GALNT18: variants seen among roughly 807,000 people sequenced by gnomAD.
GALNT18 encodes the protein polypeptide N-acetylgalactosaminyltransferase 18.
A neutral mutation model predicts 69.5 loss-of-function variants in GALNT18; 44 were observed. The observed-to-expected ratio is 0.63, with a 90% CI of 0.50 to 0.81. The LOEUF is 0.81. Among genes scored for constraint, GALNT18 ranks in the 40% least tolerant of loss-of-function variants. The pLI, the probability that GALNT18 is intolerant of heterozygous loss-of-function variation, is 0.00. For missense variants in GALNT18, 715 were observed against 810.0 expected (o/e 0.88, Z 1.42); for synonymous variants, 364 against 318.2 (o/e 1.14, Z -1.53).
intron 1 of GALNT18, among the ~76,000 whole-genome samples, chr11:11,577,188 GC>G (rs1314231704): frequency 6.6e-6 from 1 of 152,158 alleles, no homozygotes; most frequent in Non-Finnish European, 1.5e-5. Flanking sequence ...CAAGTACCTG[GC>G]CCATTCCAGG....
At position 11,549,131 on chromosome 11, in the gene GALNT18, T is replaced by A. The variant is rs566476211; in HGVS notation, c.235+72228A>T. On this transcript the variant is annotated intron_variant, in intron 1 of 10. Coordinates refer to ENST00000227756, the MANE Select transcript of GALNT18 (RefSeq NM_198516.3). ...AGGGATATATGCTTCTCCATCCTCC[T>A]TCCTGCTGGCTAGAATGCACACATA... 9.8e-5 allele frequency among the ~76,000 whole-genome samples: 15 copies of A among 152,304 alleles called. No homozygotes were observed. In the South Asian group the frequency reaches 2.9e-3, roughly 30 times the overall value.
chr11:11,512,252 G>A (rs1216910282), intron 1 of GALNT18, among the ~76,000 whole-genome samples: 1 of 152,200 alleles, frequency 6.6e-6, no homozygotes, highest in African/African-American at 2.4e-5. Context: ...CAAGTGGCAT[G>A]TGACCTCACA....
chr11:11,480,638 C>T lies in GALNT18; in HGVS notation c.236-31702G>A, dbSNP rs2133868440. Among the ~76,000 whole-genome samples the T allele has an allele frequency of 6.6e-6, 1 of 152,304 alleles. No homozygotes were observed. The highest frequency in any genetic ancestry group is 3.4e-3 in the Middle Eastern group (1 of 294). On this transcript the variant is annotated intron_variant, in intron 1 of 10. Coordinates refer to ENST00000227756, the MANE Select transcript of GALNT18 (RefSeq NM_198516.3). The surrounding 1 kb of genome is among the most constrained non-coding windows in gnomAD (Gnocchi z 4.6). ...GATTCTGTAATGCAGTGGCACCTTC[C>T]TACTGGGGATCACTGAGAGCAGAGA...
intron 10 of GALNT18, among the ~76,000 whole-genome samples, chr11:11,271,614 C>CTTGCTCCCCATAGCCATCGGCTGGGTG (rs371477041): frequency 5.3e-5 from 8 of 152,280 alleles, no homozygotes; most frequent in African/African-American, 1.9e-4. Context: ...GGGGCTGGGT[C>CTTGCTCCCCATAGCCATCGGCTGGGTG]CTTTCTCTGA....
intron 9 of GALNT18, among the ~76,000 whole-genome samples, chr11:11,307,359 C>T (rs1355868621): frequency 1.3e-5 from 2 of 152,096 alleles, no homozygotes; most frequent in Non-Finnish European, 2.9e-5. Context: ...GATAATATTT[C>T]CAATTTAATG....
At chr11:11,294,117 A>T (rs1590016572) in intron 9 of GALNT18, among the ~76,000 whole-genome samples, 1 of 150,698 alleles carries the variant, frequency 6.6e-6, no homozygotes, top group Non-Finnish European at 1.5e-5. Context: ...TTATGACAGC[A>T]AAAGGATACA....
intron 9 of GALNT18, among the ~76,000 whole-genome samples, chr11:11,319,856 G>A (rs897651769): frequency 6.6e-6 from 1 of 152,160 alleles, no homozygotes; most frequent in African/African-American, 2.4e-5. Flanking sequence ...CAAGGACATG[G>A]TCTAGAGTGT....
intron 1 of GALNT18, among the ~76,000 whole-genome samples, 173 bp from the exon 2 acceptor site, chr11:11,449,109 T>C (rs1855732392): frequency 6.6e-6 from 1 of 152,216 alleles, no homozygotes; most frequent in Admixed American, 6.5e-5. Context: ...CATCCATGAA[T>C]CCATCCATTC....
chr11:11,601,483 A>T lies in GALNT18; in HGVS notation c.235+19876T>A, dbSNP rs1007591118. Among the ~76,000 whole-genome samples the T allele has an allele frequency of 6.6e-6, 1 of 152,216 alleles. No homozygotes were observed. The highest frequency in any genetic ancestry group is 6.5e-5 in the Admixed American group (1 of 15,288). On this transcript the variant is annotated intron_variant, in intron 1 of 10. Coordinates refer to ENST00000227756, the MANE Select transcript of GALNT18 (RefSeq NM_198516.3). This position sits in a 1 kb window ranked among gnomAD's most constrained non-coding sequence, Gnocchi z 4.0. ...TGTCTCTATTGCTTATCTCCCTGTT[A>T]CATTTCTGGCTGGACTGCCCGATTG...
intron 1 of GALNT18, among the ~76,000 whole-genome samples, chr11:11,474,584 T>A (rs1856347215): frequency 6.6e-6 from 1 of 152,192 alleles, no homozygotes; most frequent in Admixed American, 6.5e-5. Flanking sequence ...GTGGCTTGGA[T>A]GATGCTAGTA....
chr11:11,297,694 G>C (rs1173725525), intron 9 of GALNT18, among the ~76,000 whole-genome samples: 1 of 152,154 alleles, frequency 6.6e-6, no homozygotes, highest in East Asian at 1.9e-4. Context: ...CTGTAACTCT[G>C]GTCTGAGGCT....
rs1001902742 is a variant in GALNT18, at chr11:11,392,386, G to T, written c.596-13122C>A. On this transcript the variant is annotated intron_variant, in intron 3 of 10. Coordinates refer to ENST00000227756, the MANE Select transcript of GALNT18 (RefSeq NM_198516.3). The stretch of plus-strand genomic sequence containing the variant: ...TGTAATCCCAGCACTCTGGGAGGCC[G>T]AGGCAGGCAGATCACCCGAGGTCGG... Among the ~76,000 whole-genome samples, 4 of 152,318 alleles carry T rather than the reference G, an allele frequency of 2.6e-5. No individual in the cohort carries two copies. In the East Asian group the frequency reaches 7.7e-4, roughly 29 times the overall value.
chr11:11,273,682 C>T (rs1245795399), intron 10 of GALNT18, among the ~76,000 whole-genome samples: 1 of 152,066 alleles, frequency 6.6e-6, no homozygotes, highest in African/African-American at 2.4e-5. Context: ...TCTAGCAATC[C>T]CATTGTTGGG....
intron 5 of GALNT18, among the ~76,000 whole-genome samples, chr11:11,375,728 A>G (rs1300268681): frequency 6.6e-6 from 1 of 152,212 alleles, no homozygotes; most frequent in African/African-American, 2.4e-5. Flanking sequence ...AAATGAGCCA[A>G]TGCGTGTAAA....
At position 11,292,886 on chromosome 11, in the gene GALNT18, A is replaced by T. The variant is rs962783927; in HGVS notation, c.1677+143T>A. On this transcript the variant is annotated intron_variant, in intron 10 of 10. Transcript: ENST00000227756. ...TGATCAGCAAATCCCTGAGAAGCAA[A>T]GCAGTCTGGAGCCACAGCCTCACTA... 10 of 654,118 alleles carry T rather than the reference A, an allele frequency of 1.5e-5. No individual in the cohort carries two copies. The African/African-American group carries it at 1.7e-4, about 11-fold the overall frequency. The allele number at this position is 654,118 out of a possible 1,614,324, so 40.5% of individuals were successfully genotyped here. A position where few individuals can be genotyped will look rare whatever the true frequency, so the allele number is the denominator to read the frequency against.
intron 9 of GALNT18, among the ~76,000 whole-genome samples, chr11:11,307,222 AT>A (rs1339966278): frequency 6.6e-6 from 1 of 152,148 alleles, no homozygotes; most frequent in East Asian, 1.9e-4. Context: ...AGTTTGTTAT[AT>A]GGTAAATTGT....
chr11:11,581,557 C>A (rs1022811508), intron 1 of GALNT18, among the ~76,000 whole-genome samples: 4 of 151,626 alleles, frequency 2.6e-5, no homozygotes, highest in East Asian at 1.9e-4. Context: ...CCCCATGACA[C>A]CCCCAGCCCT....
intron 5 of GALNT18, among the ~76,000 whole-genome samples, chr11:11,373,811 C>T (rs959150889): frequency 3.9e-5 from 6 of 152,218 alleles, no homozygotes; most frequent in Non-Finnish European, 5.9e-5. Context: ...TATGCAGTGA[C>T]GTTGAATTGT....
At chr11:11,525,830 CT>C (rs1857509701) in intron 1 of GALNT18, among the ~76,000 whole-genome samples, 1 of 151,954 alleles carries the variant, frequency 6.6e-6, no homozygotes, top group African/African-American at 2.4e-5. Flanking sequence ...GACAGGGTTT[CT>C]CCATGTTGGT....
Sources: allele counts gnomAD v4.1 joint callset (sites outside exome capture counted in the v4.1 genomes callset), GRCh38; gene constraint gnomAD v4.1.1; non-coding constraint Gnocchi (gnomAD v3.1); transcripts MANE v1.5; gene names NCBI Gene and HGNC (gene_info 2026-07-23, HGNC 2026-07-21).